Variants in ZNF682 observed in about 807,000 individuals in gnomAD.
ZNF682 encodes the protein zinc finger protein 682.
Under a neutral mutation model 36.5 loss-of-function variants are expected in ZNF682, and 29 were observed. The ratio of observed to expected loss-of-function variants is 0.80; its 90% CI spans 0.59 to 1.08. The LOEUF (loss-of-function observed/expected upper bound fraction) is 1.08. ZNF682 is among the 50% of genes least tolerant of loss of function. The pLI is 0.00. For missense variants in ZNF682, 561 were observed against 579.7 expected (o/e 0.97, Z 0.33); for synonymous variants, 180 against 197.0 (o/e 0.91, Z 0.72).
At position 20,005,714 on chromosome 19, in the gene ZNF682, A is replaced by G; in HGVS notation, c.*291T>C. 5.5e-6 allele frequency: 2 copies of G among 360,426 alleles called. No homozygotes were observed. Among genetic ancestry groups the G allele is most frequent in the South Asian group, 9.9e-5 (2 of 20,178 alleles). The allele number at this position is 360,426 out of a possible 1,614,324, so 22.3% of individuals were successfully genotyped here. On this transcript the variant is annotated 3_prime_UTR_variant, in exon 4 of 4. Coordinates refer to ENST00000397165, the MANE Select transcript of ZNF682 (RefSeq NM_033196.3). Reference sequence around the variant, plus strand: ...TGACATCTTTCCACAGATAAATGTAATGTGTATCATTACACTTACATTGCT... The same window carrying G: ...TGACATCTTTCCACAGATAAATGTAGTGTGTATCATTACACTTACATTGCT...
At chr19:20,037,008 A>G (rs1249735442) in intron 1 of ZNF682, among the ~76,000 whole-genome samples, 2 of 152,104 alleles carry the variant, frequency 1.3e-5, no homozygotes, top group Non-Finnish European at 2.9e-5. Context: ...AATCAATAAT[A>G]AAAGTTTTCT....
intron 3 of ZNF682, among the ~76,000 whole-genome samples, chr19:20,013,069 A>T (rs2088304512): frequency 6.6e-6 from 1 of 152,086 alleles, no homozygotes; most frequent in South Asian, 2.1e-4. Context: ...TTTACAAGAT[A>T]CTCACTTTCA....
At position 20,006,948 on chromosome 19, in the gene ZNF682, T is replaced by C; in HGVS notation, c.554A>G (p.His185Arg). The C allele has an allele frequency of 1.2e-6, 2 of 1,613,298 alleles. No individual in the cohort carries two copies. Among genetic ancestry groups the C allele is most frequent in the Admixed American group, 1.7e-5 (1 of 59,946 alleles). Reference sequence around the variant, plus strand: ...TATCTTATGATAAGAAAGGCCTGAGTGAGATTTAAAGACTTTGCCACATTG... The same window carrying C: ...TATCTTATGATAAGAAAGGCCTGAGCGAGATTTAAAGACTTTGCCACATTG... ...CMQCGKVFKSHSGLSYHKIIH... is the reference protein window; with the variant it reads ...CMQCGKVFKSRSGLSYHKIIH... Residue 185 changes from histidine to arginine, a missense_variant, in exon 4 of 4, where the codon CAC becomes CGC. His to Arg is a conservative substitution (Grantham distance 29, BLOSUM62 0). Coordinates refer to ENST00000397165, the MANE Select transcript of ZNF682 (RefSeq NM_033196.3).
At chr19:20,022,882 A>G in intron 3 of ZNF682, 122 bp downstream of exon 3, 1 of 808,338 alleles carries the variant, frequency 1.2e-6, no homozygotes, top group Non-Finnish European at 2.1e-6. Flanking sequence ...AGAATAAACA[A>G]TCACGTTCCT....
At chr19:20,015,022 G>T (rs1214376970) in intron 3 of ZNF682, among the ~76,000 whole-genome samples, 1 of 152,082 alleles carries the variant, frequency 6.6e-6, no homozygotes, top group African/African-American at 2.4e-5. Flanking sequence ...AAAACATGTG[G>T]AGATACACTG....
rs1163191322 is a variant in ZNF682, at chr19:20,007,183, C to T, written c.319G>A (p.Gly107Arg). 6 of 1,613,676 alleles carry T rather than the reference C, an allele frequency of 3.7e-6. No individual in the cohort carries two copies. Among genetic ancestry groups the T allele is most frequent in the Non-Finnish European group, 5.1e-6 (6 of 1,180,000 alleles). Residue 107 changes from glycine to arginine, a missense_variant, in exon 4 of 4, where the codon GGA becomes AGA. By Grantham distance (125) the Gly-to-Arg change is moderately radical (BLOSUM62 -2). Coordinates refer to ENST00000397165, the MANE Select transcript of ZNF682 (RefSeq NM_033196.3). ...TTCCTTAAGTGTAAATCCTCAAGTC[C>T]ACAGCTTCCATATCTTCTCAGTATC... Reference protein sequence around the residue: ...KVILRRYGSCGLEDLHLRKDG... With the variant: ...KVILRRYGSCRLEDLHLRKDG...
At chr19:19,996,864 T>C (rs1230702272), downstream of ZNF682, among the ~76,000 whole-genome samples, 1 of 152,032 alleles carries the variant, frequency 6.6e-6, no homozygotes, top group Non-Finnish European at 1.5e-5. Flanking sequence ...ATTTTAAAAT[T>C]GGGAAACTGA....
downstream of ZNF682, among the ~76,000 whole-genome samples, chr19:20,004,122 A>C (rs2088189635): frequency 6.6e-6 from 1 of 152,244 alleles, no homozygotes; most frequent in Non-Finnish European, 1.5e-5. Flanking sequence ...CATCTTCTAC[A>C]TACTCACTTA....
chr19:20,027,690 C>T (rs1008733292), intron 1 of ZNF682, among the ~76,000 whole-genome samples: 20 of 151,782 alleles, frequency 1.3e-4, no homozygotes, highest in African/African-American at 2.2e-4. Flanking sequence ...ACCCAGGAGG[C>T]AGAGGTTGTG....
intron 1 of ZNF682, among the ~76,000 whole-genome samples, chr19:20,025,013 G>C (rs1159826776): frequency 6.6e-6 from 1 of 152,172 alleles, no homozygotes; most frequent in Admixed American, 6.5e-5. Flanking sequence ...TTTAATGTAC[G>C]TGACAATGAA....
At chr19:20,013,875 T>C (rs1460081256) in intron 3 of ZNF682, among the ~76,000 whole-genome samples, 2 of 152,214 alleles carry the variant, frequency 1.3e-5, no homozygotes, top group Non-Finnish European at 2.9e-5. Context: ...CCACCATGCC[T>C]GGCCTAGCAA....
chr19:20,000,325 T>C (rs386976), downstream of ZNF682, among the ~76,000 whole-genome samples: 89,769 of 152,112 alleles, frequency 0.59, 29,110 homozygotes, highest in African/African-American at 0.88. Context: ...TCCATGGTAT[T>C]CTTACATTTC....
intron 1 of ZNF682, among the ~76,000 whole-genome samples, chr19:20,027,246 A>T (rs974873292): frequency 6.6e-6 from 1 of 152,230 alleles, no homozygotes; most frequent in Non-Finnish European, 1.5e-5. Flanking sequence ...AGGCACAGAA[A>T]AGGCCACACT....
intron 1 of ZNF682, chr19:20,030,871 A>C (rs2088473696): frequency 6.6e-6 from 1 of 152,168 alleles, no homozygotes; most frequent in African/African-American, 2.4e-5. Context: ...TGAAAACTGG[A>C]ACAACTCCCA....
chr19:19,998,640 T>A (rs140751936), intron 3 of ZNF682, among the ~76,000 whole-genome samples: 1 of 152,192 alleles, frequency 6.6e-6, no homozygotes, highest in African/African-American at 2.4e-5. Context: ...CAACAGAAGC[T>A]GGACTGGGGA....
intron 3 of ZNF682, chr19:19,997,387 A>G (rs1160632175): frequency 5.0e-6 from 2 of 396,866 alleles, no homozygotes; most frequent in Admixed American, 4.4e-5. Flanking sequence ...TCACATACCC[A>G]TAAGTGTCTG....
chr19:20,034,311 A>AT (rs2088507347), intron 1 of ZNF682: 1 of 152,184 alleles, frequency 6.6e-6, no homozygotes, highest in Non-Finnish European at 1.5e-5. Context: ...GAAGCCATCT[A>AT]ACAACATCCA....
At chr19:20,027,494 T>G (rs560418476) in intron 1 of ZNF682, among the ~76,000 whole-genome samples, 2 of 152,076 alleles carry the variant, frequency 1.3e-5, no homozygotes, top group African/African-American at 4.8e-5. Flanking sequence ...GCGCTATGGC[T>G]CATGCCTGTA....
At chr19:20,032,489 T>C (rs1381120301) in intron 1 of ZNF682, among the ~76,000 whole-genome samples, 2 of 152,142 alleles carry the variant, frequency 1.3e-5, no homozygotes, top group Non-Finnish European at 1.5e-5. Flanking sequence ...CCATTTTGCC[T>C]GCAATTTGGG....
Sources: allele counts gnomAD v4.1 joint callset (sites outside exome capture counted in the v4.1 genomes callset), GRCh38; gene constraint gnomAD v4.1.1; transcripts MANE v1.5; gene names NCBI Gene and HGNC (gene_info 2026-07-23, HGNC 2026-07-21).